Variants in FGD4 observed in about 807,000 individuals in gnomAD.
FGD4 encodes the protein FYVE, RhoGEF and PH domain-containing protein 4.
FGD4 carries 42 observed loss-of-function variants against 102.0 expected under a neutral mutation model. The ratio of observed to expected loss-of-function variants is 0.41; its 90% CI spans 0.32 to 0.53. The LOEUF (loss-of-function observed/expected upper bound fraction) is 0.53, where lower values mean the gene tolerates loss of function less well. Among genes scored for constraint, FGD4 ranks in the 20% least tolerant of loss-of-function variants. FGD4 has a pLI of 0.21. For missense variants in FGD4, 902 were observed against 1,078.2 expected (o/e 0.84, Z 2.29); for synonymous variants, 380 against 375.7 (o/e 1.01, Z -0.13).
Position 32,598,580 on chromosome 12 carries a change from A to G in FGD4, c.1095A>G (p.Leu365=), listed in dbSNP as rs1303795225. The G allele has an allele frequency of 6.2e-7, 1 of 1,610,468 alleles. No individual in the cohort carries two copies. The highest frequency in any genetic ancestry group is 8.5e-7 in the Non-Finnish European group (1 of 1,176,966). ...ERAYVNRLDL[L]DQVFYCKLLE... ...CTTATGTCAACCGACTTGACCTCTT[A>G]GATCAGGTAAGATTTTCTTTCTCAG... The change falls in exon 5 of 17, where the codon TTA becomes TTG. Residue 365 remains leucine (L), a synonymous_variant. Coordinates refer to ENST00000534526, the MANE Select transcript of FGD4 (RefSeq NM_001370298.3).
At chr12:32,599,374 G>C (rs1406817582) in intron 5 of FGD4, among the ~76,000 whole-genome samples, 2 of 141,598 alleles carry the variant, frequency 1.4e-5, no homozygotes, top group Non-Finnish European at 3.1e-5. Context: ...GGCGCCTGTA[G>C]TCCCAGCTAC....
intron 1 of FGD4, among the ~76,000 whole-genome samples, chr12:32,508,502 T>C (rs1939021513): frequency 6.6e-6 from 1 of 152,192 alleles, no homozygotes; most frequent in South Asian, 2.1e-4. Flanking sequence ...ATTCTTGATA[T>C]TTAGATTCTA....
chr12:32,506,598 T>G lies in FGD4; in HGVS notation c.167-57539T>G, dbSNP rs1254410230. Among the ~76,000 whole-genome samples the G allele has an allele frequency of 1.3e-5, 2 of 152,164 alleles. No individual in the cohort carries two copies. Among genetic ancestry groups the G allele is most frequent in the Non-Finnish European group, 2.9e-5 (2 of 68,036 alleles). The stretch of plus-strand genomic sequence containing the variant: ...CCGCACTTGCATACTTAATCTCCCT[T>G]TCTTCTGCTCCCTGCACCAACCCAC... On this transcript the variant is annotated intron_variant, in intron 1 of 16. Transcript: ENST00000534526. This position sits in a 1 kb window ranked among gnomAD's most constrained non-coding sequence, Gnocchi z 4.5.
At chr12:32,500,447 ATTTTG>A (rs1467983003) in intron 1 of FGD4, among the ~76,000 whole-genome samples, 1 of 122,292 alleles carries the variant, frequency 8.2e-6, no homozygotes, top group Non-Finnish European at 1.7e-5. Flanking sequence ...ATTTTATTTT[ATTTTG>A]AGACGAAGTC....
chr12:32,624,055 T>G (rs1353494280), intron 11 of FGD4, among the ~76,000 whole-genome samples: 1 of 152,192 alleles, frequency 6.6e-6, no homozygotes. Context: ...CTGTGAATAG[T>G]AGCCTTTAGT....
intron 1 of FGD4, among the ~76,000 whole-genome samples, chr12:32,530,913 A>G (rs931683314): frequency 8.0e-6 from 1 of 124,496 alleles, no homozygotes; most frequent in East Asian, 2.3e-4. Context: ...AGTTTACACT[A>G]TCTATGACAA....
At chr12:32,478,753 CG>C (rs1261907335) in intron 1 of FGD4, among the ~76,000 whole-genome samples, 2 of 152,058 alleles carry the variant, frequency 1.3e-5, no homozygotes, top group Non-Finnish European at 2.9e-5. Flanking sequence ...TTTAATCTTC[CG>C]TCCTCCTCAT....
At chr12:32,602,664 G>A (rs1374640490) in intron 7 of FGD4, among the ~76,000 whole-genome samples, 1 of 152,208 alleles carries the variant, frequency 6.6e-6, no homozygotes, top group Non-Finnish European at 1.5e-5. Context: ...TGTAAACCTT[G>A]AGATTTGGGA....
At chr12:32,606,303 C>A (rs1006167567) in intron 7 of FGD4, among the ~76,000 whole-genome samples, 8 of 151,378 alleles carry the variant, frequency 5.3e-5, no homozygotes, top group African/African-American at 1.9e-4. Flanking sequence ...TTTCCCCCGT[C>A]CCCCTAAAGC....
At position 32,601,336 on chromosome 12, in the gene FGD4, T is replaced by C. The variant is rs1271697992; in HGVS notation, c.1160T>C (p.Val387Ala). Residue 387 changes from valine to alanine, a missense_variant, in exon 6 of 17, where the codon GTG becomes GCG. By Grantham distance (64) the Val-to-Ala change is moderately conservative. Transcript: ENST00000534526. ...CGAGGCTCGTTTCCAGCAGAGATGG[T>C]GAATAAAATCTTTTCTAATATTTCA... ...ANRGSFPAEM[V>A]NKIFSNISSI... 1 of 1,614,134 alleles carries C rather than the reference T, an allele frequency of 6.2e-7. No individual in the cohort carries two copies. The highest frequency in any genetic ancestry group is 8.5e-7 in the Non-Finnish European group (1 of 1,179,998).
intron 1 of FGD4, 45 bp downstream of exon 1, chr12:32,400,004 G>A: frequency 2.1e-6 from 3 of 1,421,938 alleles, no homozygotes; most frequent in Non-Finnish European, 2.7e-6. Flanking sequence ...CGGCGCGTAG[G>A]TGCGGGTGAG....
intron 1 of FGD4, among the ~76,000 whole-genome samples, chr12:32,424,176 C>A (rs770465372): frequency 1.3e-5 from 2 of 152,120 alleles, no homozygotes; most frequent in Non-Finnish European, 2.9e-5. Flanking sequence ...TCCATCAACC[C>A]GTCATCTACA....
intron 4 of FGD4, 57 bp from the exon 5 acceptor site, chr12:32,598,440 T>G (rs1948081710): frequency 1.6e-6 from 2 of 1,237,598 alleles, no homozygotes; most frequent in East Asian, 4.7e-5. Flanking sequence ...GTTTTTTACT[T>G]TAGAAATATT....
intron 1 of FGD4, among the ~76,000 whole-genome samples, chr12:32,494,898 C>G (rs1376457124): frequency 6.6e-6 from 1 of 152,152 alleles, no homozygotes; most frequent in African/African-American, 2.4e-5. Flanking sequence ...ACCTCCCACC[C>G]TTTTGAGAAG....
intron 1 of FGD4, among the ~76,000 whole-genome samples, chr12:32,545,234 G>C (rs1315522602): frequency 6.6e-6 from 1 of 152,182 alleles, no homozygotes; most frequent in African/African-American, 2.4e-5. Context: ...ATATAACACT[G>C]TGAATTTATT....
At chr12:32,639,043 T>A in intron 16 of FGD4, 1 of 1,038,464 alleles carries the variant, frequency 9.6e-7, no homozygotes, top group South Asian at 2.4e-5. Context: ...TGAGAAAAGA[T>A]GAGTTGAATT....
intron 14 of FGD4, among the ~76,000 whole-genome samples, chr12:32,627,516 A>G (rs1387956375): frequency 6.6e-6 from 1 of 152,166 alleles, no homozygotes; most frequent in Admixed American, 6.6e-5. Context: ...GTTGAAAGTT[A>G]AGGGGAAGGA....
chr12:32,625,547 G>C, intron 13 of FGD4, 107 bp from the exon 14 acceptor site: 1 of 1,404,128 alleles, frequency 7.1e-7, no homozygotes, highest in Non-Finnish European at 9.7e-7. Flanking sequence ...TGGGATTATA[G>C]TTCAGAACAT....
At chr12:32,476,681 C>T (rs1943591828) in intron 1 of FGD4, among the ~76,000 whole-genome samples, 1 of 152,086 alleles carries the variant, frequency 6.6e-6, no homozygotes, top group South Asian at 2.1e-4. Context: ...CACTTGAGGC[C>T]AGCCTGGGTA....
Sources: gnomAD v4.1 joint callset for allele counts (sites outside exome capture counted in the v4.1 genomes callset) on GRCh38, gnomAD v4.1.1 for gene constraint, Gnocchi (gnomAD v3.1) non-coding constraint, MANE v1.5 for transcripts, NCBI Gene and HGNC (gene_info 2026-07-23, HGNC 2026-07-21) for gene names.